PCDH9: variants seen among roughly 807,000 people sequenced by gnomAD.
PCDH9 encodes protocadherin-9.
A neutral mutation model predicts 70.6 loss-of-function variants in PCDH9; 24 were observed. That is an observed-to-expected ratio of 0.34 (90% CI 0.25 to 0.48). The LOEUF is 0.48. PCDH9 is among the 20% of genes least tolerant of loss of function. The pLI is 0.99. For missense variants in PCDH9, 1,281 were observed against 1,503.6 expected, an observed-to-expected ratio of 0.85 and a Z score of 2.45; for synonymous variants, 562 against 558.5, an observed-to-expected ratio of 1.01 and a Z score of -0.09.
chr13:66,581,123 C>T (rs2076885880), intron 4 of PCDH9, among the ~76,000 whole-genome samples: 1 of 152,086 alleles, frequency 6.6e-6, no homozygotes, highest in African/African-American at 2.4e-5. Context: ...TGAGGAATGC[C>T]TCACATTTGT....
intron 3 of PCDH9, among the ~76,000 whole-genome samples, chr13:66,895,487 A>G (rs544107287): frequency 6.6e-6 from 1 of 152,184 alleles, no homozygotes; most frequent in Non-Finnish European, 1.5e-5. Flanking sequence ...GCATCGCAAT[A>G]TATTATTCAT....
chr13:66,626,140 T>C (rs190309566), intron 4 of PCDH9, among the ~76,000 whole-genome samples: 2 of 152,134 alleles, frequency 1.3e-5, no homozygotes, highest in African/African-American at 2.4e-5. Context: ...AAGAAAATCA[T>C]TGGGAGTCTT....
intron 3 of PCDH9, among the ~76,000 whole-genome samples, chr13:66,680,176 G>T (rs1235934494): frequency 6.6e-6 from 1 of 151,876 alleles, no homozygotes; most frequent in African/African-American, 2.4e-5. Flanking sequence ...GTTTTATATT[G>T]TGTCTATCTT....
chr13:67,189,610 A>G (rs1290228553), intron 2 of PCDH9, among the ~76,000 whole-genome samples: 3 of 152,094 alleles, frequency 2.0e-5, no homozygotes, highest in Non-Finnish European at 2.9e-5. Flanking sequence ...CTAATTAGTT[A>G]CAAAAATATA....
At chr13:66,465,759 C>T (rs1352857164) in intron 4 of PCDH9, among the ~76,000 whole-genome samples, 3 of 151,670 alleles carry the variant, frequency 2.0e-5, no homozygotes, top group Non-Finnish European at 4.4e-5. Flanking sequence ...AATTAAATGT[C>T]TACATTTATT....
intron 2 of PCDH9, among the ~76,000 whole-genome samples, chr13:66,924,704 C>A (rs1372937664): frequency 6.6e-6 from 1 of 151,776 alleles, no homozygotes; most frequent in Non-Finnish European, 1.5e-5. Flanking sequence ...TAGCTACATA[C>A]ATACATGAAA....
intron 2 of PCDH9, among the ~76,000 whole-genome samples, chr13:67,008,997 T>G (rs992193755): frequency 3.0e-4 from 45 of 152,258 alleles, no homozygotes; most frequent in African/African-American, 1.1e-3. Context: ...AAATAATTCC[T>G]ACTTTTCTAA....
At chr13:66,728,304 A>G (rs1297155194) in intron 3 of PCDH9, among the ~76,000 whole-genome samples, 1 of 152,096 alleles carries the variant, frequency 6.6e-6, no homozygotes, top group Non-Finnish European at 1.5e-5. Context: ...GAGTTTCCAA[A>G]TCATTTTTTG....
intron 4 of PCDH9, among the ~76,000 whole-genome samples, chr13:66,361,093 A>G (rs1251721015): frequency 6.6e-6 from 1 of 152,076 alleles, no homozygotes; most frequent in Non-Finnish European, 1.5e-5. Context: ...GTGTGTTTCT[A>G]TTAAGTCAGT....
intron 3 of PCDH9, among the ~76,000 whole-genome samples, chr13:66,686,880 TA>T (rs2078411175): frequency 6.6e-6 from 1 of 152,148 alleles, no homozygotes; most frequent in Non-Finnish European, 1.5e-5. Context: ...TACATATTGT[TA>T]AAATTTAAAT....
At chr13:67,076,679 T>C (rs2085884463) in intron 2 of PCDH9, among the ~76,000 whole-genome samples, 2 of 152,186 alleles carry the variant, frequency 1.3e-5, no homozygotes, top group Admixed American at 6.6e-5. Context: ...CAAAGTCTTC[T>C]GTAATTTCTA....
Position 66,792,864 on chromosome 13 carries a change from G to A in PCDH9, c.3138+110640C>T, listed in dbSNP as rs570132617. 2.1e-4 allele frequency among the ~76,000 whole-genome samples: 32 copies of A among 152,148 alleles called. No homozygotes were observed. In the South Asian group the frequency reaches 4.1e-3, roughly 20 times the overall value. ...AAGGATAGTGTGCCAAAACAGATTC[G>A]ATACTAAATTCAAGCAACCTGAGTA... On this transcript the variant is annotated intron_variant, in intron 3 of 4. Transcript: ENST00000377865.
At chr13:67,006,121 GGAGGCTGAGGCAGGA>G (rs1392378794) in intron 2 of PCDH9, among the ~76,000 whole-genome samples, 1 of 152,168 alleles carries the variant, frequency 6.6e-6, no homozygotes, top group Non-Finnish European at 1.5e-5. Context: ...CAGCTACTCG[GGAGGCTGAGGCAGGA>G]GAATGGCGTG....
chr13:67,064,482 A>G lies in PCDH9; in HGVS notation c.3037-160877T>C, dbSNP rs547382721. ...AAGGAATAACTATTTTTAAAAACCT[A>G]ACAATCAGTTAGTGCTTTTATCATA... On this transcript the variant is annotated intron_variant, in intron 2 of 4. Coordinates refer to ENST00000377865, the MANE Select transcript of PCDH9 (RefSeq NM_203487.3). Among the ~76,000 whole-genome samples, 8 of 152,314 alleles carry G rather than the reference A, an allele frequency of 5.3e-5. No individual in the cohort carries two copies. The East Asian group carries it at 1.5e-3, about 29-fold the overall frequency.
intron 4 of PCDH9, among the ~76,000 whole-genome samples, chr13:66,383,691 C>T (rs775917014): frequency 6.6e-6 from 1 of 152,094 alleles, no homozygotes; most frequent in Non-Finnish European, 1.5e-5. Context: ...TTCTAATTTT[C>T]TATACTCTCA....
intron 2 of PCDH9, among the ~76,000 whole-genome samples, chr13:67,156,324 A>G (rs960444508): frequency 2.6e-5 from 4 of 152,166 alleles, no homozygotes; most frequent in African/African-American, 9.7e-5. Flanking sequence ...CAAATGCAGC[A>G]TATCAGCGTA....
At chr13:66,812,632 TA>T (rs2080529559) in intron 3 of PCDH9, among the ~76,000 whole-genome samples, 1 of 152,128 alleles carries the variant, frequency 6.6e-6, no homozygotes, top group Non-Finnish European at 1.5e-5. Flanking sequence ...CTGAATACCA[TA>T]AAATAGAACA....
chr13:67,047,835 A>G (rs1308780741), intron 2 of PCDH9, among the ~76,000 whole-genome samples: 1 of 152,182 alleles, frequency 6.6e-6, no homozygotes, highest in Non-Finnish European at 1.5e-5. Flanking sequence ...TGGAAGGTTG[A>G]TTTAAGGACC....
intron 2 of PCDH9, among the ~76,000 whole-genome samples, chr13:66,944,413 G>T (rs1238939117): frequency 6.6e-6 from 1 of 152,090 alleles, no homozygotes; most frequent in Admixed American, 6.6e-5. Flanking sequence ...AAAAAACTGA[G>T]TGGTTTGTAT....
Sources: allele counts gnomAD v4.1 joint callset (sites outside exome capture counted in the v4.1 genomes callset), GRCh38; gene constraint gnomAD v4.1.1; transcripts MANE v1.5; gene names NCBI Gene and HGNC (gene_info 2026-07-23, HGNC 2026-07-21).